GOLGA4: variants seen among roughly 807,000 people sequenced by gnomAD.
GOLGA4 encodes golgin subfamily A member 4.
A neutral mutation model predicts 265.9 loss-of-function variants in GOLGA4; 169 were observed. That is an observed-to-expected ratio of 0.64 (90% CI 0.56 to 0.72). GOLGA4 has a LOEUF of 0.72. Ranked by LOEUF, GOLGA4 falls within the 30% of genes least tolerant of loss-of-function variation. The pLI is 0.00. For synonymous variants in GOLGA4, 923 were observed against 855.8 expected, an observed-to-expected ratio of 1.08 and a Z score of -1.37; for missense variants, 2,482 against 2,483.4, an observed-to-expected ratio of 1.00 and a Z score of 0.01.
chr3:37,256,402 G>A (rs111651345), intron 2 of GOLGA4, among the ~76,000 whole-genome samples: 119 of 152,066 alleles, frequency 7.8e-4, no homozygotes, highest in East Asian at 3.1e-3. Context: ...CCCAGGAGGC[G>A]GAGGTTGCAG....
intron 10 of GOLGA4, among the ~76,000 whole-genome samples, chr3:37,308,953 T>A (rs2096915058): frequency 6.6e-6 from 1 of 151,546 alleles, no homozygotes; most frequent in Non-Finnish European, 1.5e-5. Flanking sequence ...AATTCATTTT[T>A]AAAATAACAA....
chr3:37,352,701 ATGT>A (rs1309762611), intron 21 of GOLGA4, among the ~76,000 whole-genome samples: 1 of 152,076 alleles, frequency 6.6e-6, no homozygotes, highest in South Asian at 2.1e-4. Flanking sequence ...GGCTAAGGGA[ATGT>A]TGTTACTGGT....
intron 2 of GOLGA4, 135 bp from the exon 3 acceptor site, chr3:37,281,823 C>T: frequency 1.4e-6 from 1 of 716,840 alleles, no homozygotes; most frequent in Non-Finnish European, 2.4e-6. Flanking sequence ...TTTCAGAAAA[C>T]AATGTATTAT....
intron 5 of GOLGA4, among the ~76,000 whole-genome samples, chr3:37,293,522 A>G (rs2096870344): frequency 6.6e-6 from 1 of 152,236 alleles, no homozygotes; most frequent in African/African-American, 2.4e-5. Context: ...GCAGGGATTA[A>G]CAAAGATAAG....
At chr3:37,269,928 C>T (rs199651921) in intron 2 of GOLGA4, among the ~76,000 whole-genome samples, 1 of 115,448 alleles carries the variant, frequency 8.7e-6, no homozygotes, top group South Asian at 3.1e-4. Flanking sequence ...GAGTCTCGCT[C>T]TGTCACCCAG....
chr3:37,365,824 G>T (rs1366735263), intron 23 of GOLGA4, among the ~76,000 whole-genome samples: 2 of 148,938 alleles, frequency 1.3e-5, no homozygotes, highest in Non-Finnish European at 3.0e-5. Context: ...TTCAGAATGG[G>T]GTCTTGCTGT....
rs145027374 is a variant in GOLGA4 at position 37,314,304 on chromosome 3, C to T, written c.1235-1116C>T. 7.0e-4 allele frequency among the ~76,000 whole-genome samples: 106 copies of T among 152,088 alleles called. 1 individual carries two copies. The highest frequency in any genetic ancestry group is 2.3e-3 in the African/African-American group (95 of 41,494). ...TGCCAAGTTACACACCTGTTGCACCCGTCCTATCTGATTTTGTTTGATAAT... is the reference window on the plus strand; with the variant it reads ...TGCCAAGTTACACACCTGTTGCACCTGTCCTATCTGATTTTGTTTGATAAT... On this transcript the variant is annotated intron_variant, in intron 10 of 23. Transcript: ENST00000361924.
intron 2 of GOLGA4, among the ~76,000 whole-genome samples, chr3:37,278,679 A>T (rs1329135885): frequency 6.6e-6 from 1 of 152,192 alleles, no homozygotes; most frequent in East Asian, 1.9e-4. Context: ...TTTCTTAAAT[A>T]TTACAGATAT....
Position 37,326,425 on chromosome 3 carries a change from G to A in GOLGA4, c.4539G>A (p.Glu1513=). 6.2e-7 allele frequency: 1 copy of A among 1,612,430 alleles called. No homozygotes were observed. The highest frequency in any genetic ancestry group is 8.5e-7 in the Non-Finnish European group (1 of 1,178,854). Residue 1513 remains glutamate (E), a synonymous_variant, in exon 14 of 24, where the codon GAG becomes GAA. Coordinates refer to ENST00000361924, the MANE Select transcript of GOLGA4 (RefSeq NM_002078.5). ...ACAAGAGCAAGATGGAGAAAAAGGA[G>A]TCTAATTTAGAAACAGAGTTAAAGT... The part of the protein sequence containing the change: ...EDDKSKMEKK[E]SNLETELKSQ...
At chr3:37,257,220 A>G (rs2096751348) in intron 2 of GOLGA4, among the ~76,000 whole-genome samples, 1 of 152,178 alleles carries the variant, frequency 6.6e-6, no homozygotes, top group South Asian at 2.1e-4. Context: ...AATGTTTTCA[A>G]GATTCATTTG....
intron 1 of GOLGA4, among the ~76,000 whole-genome samples, chr3:37,248,493 C>T (rs144430523): frequency 5.3e-5 from 8 of 152,244 alleles, no homozygotes; most frequent in Admixed American, 3.9e-4. Flanking sequence ...GTGAGGATAG[C>T]CCATTAAGGA....
At chr3:37,328,264 A>ACT in intron 14 of GOLGA4, 152 bp from the exon 15 acceptor site, 4 of 687,162 alleles carry the variant, frequency 5.8e-6, no homozygotes. Flanking sequence ...ACACACACAC[A>ACT]CACACTCACT....
chr3:37,302,089 C>G (rs758790942), intron 9 of GOLGA4, 96 bp from the exon 10 acceptor site: 1 of 1,029,912 alleles, frequency 9.7e-7, no homozygotes, highest in South Asian at 1.4e-5. Context: ...ATGCACCATG[C>G]CCGGCCTTTT....
chr3:37,325,072 T>C lies in GOLGA4; in HGVS notation c.3186T>C (p.His1062=), dbSNP rs2096966075. ...NQQAEELQEI[H]EIQLQEKEQE... ...AAGCTGAAGAACTTCAGGAAATACA[T>C]GAAATCCAATTACAGGAAAAAGAAC... is the stretch of plus-strand genomic sequence containing the variant. The change falls in exon 14 of 24, where the codon CAT becomes CAC. Residue 1062 remains histidine, a synonymous_variant. Coordinates refer to ENST00000361924, the MANE Select transcript of GOLGA4 (RefSeq NM_002078.5). 2 of 1,612,680 alleles carry C rather than the reference T, an allele frequency of 1.2e-6. No individual in the cohort carries two copies. Among genetic ancestry groups the C allele is most frequent in the Non-Finnish European group, 1.7e-6 (2 of 1,179,450 alleles).
At chr3:37,314,764 CT>C (rs1294123617) in intron 10 of GOLGA4, among the ~76,000 whole-genome samples, 1 of 151,950 alleles carries the variant, frequency 6.6e-6, no homozygotes, top group Non-Finnish European at 1.5e-5. Flanking sequence ...AAACTCCCTG[CT>C]GTGGTAGTGC....
At chr3:37,256,805 A>G (rs2096749998) in intron 2 of GOLGA4, among the ~76,000 whole-genome samples, 1 of 152,018 alleles carries the variant, frequency 6.6e-6, no homozygotes, top group South Asian at 2.1e-4. Flanking sequence ...ACATCCTCCT[A>G]TCCTCTGCCC....
intron 21 of GOLGA4, among the ~76,000 whole-genome samples, chr3:37,353,420 T>C (rs1017474639): frequency 6.6e-6 from 1 of 152,090 alleles, no homozygotes; most frequent in Non-Finnish European, 1.5e-5. Flanking sequence ...TGCCTGTACT[T>C]GGTTTCTAGA....
intron 11 of GOLGA4, among the ~76,000 whole-genome samples, chr3:37,316,693 T>C (rs936321063): frequency 6.6e-6 from 1 of 152,168 alleles, no homozygotes; most frequent in Non-Finnish European, 1.5e-5. Flanking sequence ...AATCAGAAGA[T>C]ATGAAGTATG....
At chr3:37,345,351 C>T (rs1384864784) in intron 20 of GOLGA4, among the ~76,000 whole-genome samples, 3 of 152,178 alleles carry the variant, frequency 2.0e-5, no homozygotes, top group Admixed American at 6.5e-5. Flanking sequence ...TGAGGAAACT[C>T]CAAGCAAGCT....
Sources: allele counts gnomAD v4.1 joint callset (sites outside exome capture counted in the v4.1 genomes callset), GRCh38; gene constraint gnomAD v4.1.1; transcripts MANE v1.5; gene names NCBI Gene and HGNC (gene_info 2026-07-23, HGNC 2026-07-21).